NCAPH2: variants seen among roughly 807,000 people sequenced by gnomAD.
The protein encoded by NCAPH2 is non-SMC condensin II complex subunit H2.
NCAPH2 carries 56 observed loss-of-function variants against 88.6 expected under a neutral mutation model. The ratio of observed to expected loss-of-function variants is 0.63; its 90% CI spans 0.51 to 0.79. The LOEUF is 0.79. Among genes scored for constraint, NCAPH2 ranks in the 30% least tolerant of loss-of-function variants. The pLI is 0.00. For synonymous variants in NCAPH2, 378 were observed against 313.6 expected (o/e 1.21, Z -2.17); for missense variants, 794 against 792.0 (o/e 1.00, Z -0.03).
intron 1 of NCAPH2, among the ~76,000 whole-genome samples, chr22:50,515,288 C>T (rs914263708): frequency 7.9e-5 from 12 of 152,268 alleles, no homozygotes; most frequent in African/African-American, 1.2e-4. Flanking sequence ...TGGCTGGGCA[C>T]GGTGGTGCAT....
intron 6 of NCAPH2, 28 bp downstream of exon 6, chr22:50,518,080 G>C: frequency 6.2e-7 from 1 of 1,613,556 alleles, no homozygotes; most frequent in Non-Finnish European, 8.5e-7. Context: ...GCGACGGGGA[G>C]GGAGGCCTGC....
At chr22:50,518,796 C>A in intron 8 of NCAPH2, 64 bp downstream of exon 8, 2 of 1,468,640 alleles carry the variant, frequency 1.4e-6, no homozygotes, top group Non-Finnish European at 1.9e-6. Context: ...GGAGGCAGCA[C>A]CCAGTGGACA....
chr22:50,519,390 C>T (rs775553406), intron 9 of NCAPH2, 70 bp downstream of exon 9: 3 of 1,589,942 alleles, frequency 1.9e-6, no homozygotes, highest in East Asian at 2.3e-5. Context: ...GGCCGAGTCA[C>T]CTTGCACAAG....
At chr22:50,516,370 A>G in intron 1 of NCAPH2, 77 bp from the exon 2 acceptor site, 1 of 1,380,788 alleles carries the variant, frequency 7.2e-7, no homozygotes, top group East Asian at 2.3e-5. Flanking sequence ...GAGACCAAAG[A>G]TGGGTGGGGC....
At chr22:50,520,426 GTATTTTTT>G (rs2069053812) in intron 9 of NCAPH2, 1 of 146,068 alleles carries the variant, frequency 6.8e-6, no homozygotes, top group East Asian at 2.1e-4. Flanking sequence ...GCTAATTTTT[GTATTTTTT>G]GTAGAGACGG....
intron 11 of NCAPH2, 48 bp from the exon 12 acceptor site, chr22:50,521,693 G>A: frequency 6.2e-7 from 1 of 1,612,058 alleles, no homozygotes; most frequent in South Asian, 1.1e-5. Flanking sequence ...AGTGGGCTTT[G>A]CACCCTGATC....
At chr22:50,518,102 C>T in intron 6 of NCAPH2, 31 bp from the exon 7 acceptor site, 1 of 1,613,736 alleles carries the variant, frequency 6.2e-7, no homozygotes. Flanking sequence ...TGGGAAGGGT[C>T]TCTACAGCAG....
intron 1 of NCAPH2, among the ~76,000 whole-genome samples, chr22:50,511,898 C>T (rs1051742062): frequency 6.6e-5 from 10 of 152,184 alleles, no homozygotes; most frequent in African/African-American, 9.7e-5. Context: ...CCACCCGCCT[C>T]GGCCTCCCAA....
Position 50,522,481 on chromosome 22 carries a change from A to G in NCAPH2, c.1307-20A>G, listed in dbSNP as rs758580781. 2 of 1,612,950 alleles carry G rather than the reference A, an allele frequency of 1.2e-6. No homozygotes were observed. Among genetic ancestry groups the G allele is most frequent in the Non-Finnish European group, 1.7e-6 (2 of 1,179,824 alleles). On this transcript the variant is annotated intron_variant, in intron 15 of 19. Coordinates refer to ENST00000420993, the MANE Select transcript of NCAPH2 (RefSeq NM_152299.4). ...CCGACTAGCTGCCTGCGTGCTGTTC[A>G]CTCTCCCACCTCCCAGCAGATGACT...
At chr22:50,513,364 C>T (rs557360984) in intron 1 of NCAPH2, among the ~76,000 whole-genome samples, 4 of 151,866 alleles carry the variant, frequency 2.6e-5, no homozygotes, top group East Asian at 1.9e-4. Context: ...TTTGGGGAGC[C>T]GAGGTGGCTC....
intron 1 of NCAPH2, among the ~76,000 whole-genome samples, chr22:50,514,441 G>A (rs1222279009): frequency 1.3e-5 from 2 of 152,210 alleles, no homozygotes; most frequent in East Asian, 1.9e-4. Context: ...TTGGAGTTCA[G>A]TGTGGATGCA....
At chr22:50,515,490 A>G (rs967666086) in intron 1 of NCAPH2, among the ~76,000 whole-genome samples, 35 of 152,138 alleles carry the variant, frequency 2.3e-4, no homozygotes, top group African/African-American at 5.1e-4. Context: ...TCCGCCTCCC[A>G]GGTTCATGCC....
intron 1 of NCAPH2, among the ~76,000 whole-genome samples, chr22:50,509,987 C>T (rs151287983): frequency 1.2e-4 from 18 of 152,260 alleles, no homozygotes; most frequent in Admixed American, 2.6e-4. Flanking sequence ...TGCAGTGGCG[C>T]GATCTGAGCT....
rs75485962 is a variant in NCAPH2, at chr22:50,524,085, G to A, written c.*710G>A. ...CAGCCTTGCAGCGAGCCCGGCCTCT[G>A]TGATCCAGCAGGTGGAAGTCGCCCT... On this transcript the variant is annotated 3_prime_UTR_variant, in exon 20 of 20. Coordinates refer to ENST00000420993, the MANE Select transcript of NCAPH2 (RefSeq NM_152299.4). 8,928 of 1,613,126 alleles carry A rather than the reference G, an allele frequency of 5.5e-3. 340 individuals are homozygous for A. The African/African-American group carries it at 0.093, about 17-fold the overall frequency.
Position 50,522,811 on chromosome 22 carries a change from C to A in NCAPH2, c.1426-10C>A, listed in dbSNP as rs747859297. 2.5e-6 allele frequency: 4 copies of A among 1,612,752 alleles called. No homozygotes were observed. The highest frequency in any genetic ancestry group is 1.3e-5 in the African/African-American group (1 of 75,014). On this transcript the variant is annotated splice_polypyrimidine_tract_variant and intron_variant, in intron 17 of 19. Transcript: ENST00000420993. ...TTGGGAGGCAGTAGCTCCTGCTGAT[C>A]CTCCCCTAGGAGCTCTTCATCGCCA... is the stretch of plus-strand genomic sequence containing the variant.
chr22:50,512,184 C>G (rs1404197708), intron 1 of NCAPH2, among the ~76,000 whole-genome samples: 1 of 152,218 alleles, frequency 6.6e-6, no homozygotes, highest in Non-Finnish European at 1.5e-5. Context: ...CCTCTTTTGT[C>G]TGCTTAGTAG....
chr22:50,521,939 T>A lies in NCAPH2; in HGVS notation c.1109-47T>A. ...AGGATCAGCACCCTTTTCCCAATGCTGTGGGCAGCTCTTGGCCTGGCTGGT... is the reference window on the plus strand; with the variant it reads ...AGGATCAGCACCCTTTTCCCAATGCAGTGGGCAGCTCTTGGCCTGGCTGGT... On this transcript the variant is annotated intron_variant, in intron 12 of 19. Coordinates refer to ENST00000420993, the MANE Select transcript of NCAPH2 (RefSeq NM_152299.4). 6 of 1,613,762 alleles carry A rather than the reference T, an allele frequency of 3.7e-6. No homozygotes were observed. The Admixed American group carries it at 6.7e-5, about 18-fold the overall frequency.
Position 50,517,331 on chromosome 22 carries a change from T to C in NCAPH2, c.211-96T>C, listed in dbSNP as rs529394061. 1.9e-5 allele frequency: 24 copies of C among 1,277,530 alleles called. No homozygotes were observed. The East Asian group carries it at 4.4e-4, about 23-fold the overall frequency. The allele number at this position is 1,277,530 out of a possible 1,614,324, so 79.1% of individuals were successfully genotyped here. A position where few individuals can be genotyped will look rare whatever the true frequency, so the allele number is the denominator to read the frequency against. On this transcript the variant is annotated intron_variant, in intron 2 of 19. Coordinates refer to ENST00000420993, the MANE Select transcript of NCAPH2 (RefSeq NM_152299.4). ...TCTTGTACTGGAGGTTTGGTGGTGG[T>C]GGCCAGGCCTCGTGGGGGCACCGAT...
Position 50,517,621 on chromosome 22 carries a change from G to A in NCAPH2, c.311G>A (p.Gly104Glu). 6.2e-7 allele frequency: 1 copy of A among 1,614,142 alleles called. No homozygotes were observed. Among genetic ancestry groups the A allele is most frequent in the Non-Finnish European group, 8.5e-7 (1 of 1,180,034 alleles). ...TCGGTGCAGGAGGACAGGGCCAATG[G>A]GGTTGCCAGCTCCGGGGTCCCCCAG... ...LSSVQEDRAN[G>E]VASSGVPQEA... The change falls in exon 4 of 20, where the codon GGG (glycine) becomes GAG (glutamate). Residue 104 changes from glycine (G) to glutamate (E), a missense_variant. Physicochemically the swap from Gly to Glu is moderately conservative, Grantham distance 98 (BLOSUM62 -2). Transcript: ENST00000420993.
Sources: gnomAD v4.1 joint callset for allele counts (sites outside exome capture counted in the v4.1 genomes callset) on GRCh38, gnomAD v4.1.1 for gene constraint, MANE v1.5 for transcripts, NCBI Gene and HGNC (gene_info 2026-07-23, HGNC 2026-07-21) for gene names.